The following TNS1 variants were observed in gnomAD, a reference collection of about 807,000 sequenced individuals.
TNS1 encodes the protein tensin-1.
In TNS1, 62 loss-of-function variants were observed where a neutral mutation model predicts 168.6. That is an observed-to-expected ratio of 0.37 (90% CI 0.30 to 0.45). TNS1 has a LOEUF of 0.45. TNS1 is among the 20% of genes least tolerant of loss of function. TNS1 has a pLI of 1.00. For missense variants in TNS1, 2,240 were observed against 2,339.4 expected (o/e 0.96, Z 0.88); for synonymous variants, 934 against 933.2 (o/e 1.00, Z -0.02).
At chr2:217,810,419 A>G in intron 28 of TNS1, 100 bp from the exon 29 acceptor site, 3 of 1,174,340 alleles carry the variant, frequency 2.6e-6, no homozygotes, top group Admixed American at 1.8e-5. Flanking sequence ...GGCAGAAGGA[A>G]CGCTGCTTTT....
intron 22 of TNS1, chr2:217,830,304 G>A: frequency 1.2e-6 from 2 of 1,607,604 alleles, no homozygotes; most frequent in African/African-American, 2.7e-5. Flanking sequence ...GACACTCTGA[G>A]TGGGAGGCTA....
chr2:217,880,507 G>A lies in TNS1; in HGVS notation c.1429+391C>T, dbSNP rs1950580636. ...TACACATGTGACAAATGCTGTTTTT[G>A]CAGCACAGTGGGGGGTATCTCAAGC... On this transcript the variant is annotated intron_variant, in intron 18 of 32. Coordinates refer to ENST00000682258, the MANE Select transcript of TNS1 (RefSeq NM_001387777.1). The surrounding 1 kb of genome is among the most constrained non-coding windows in gnomAD (Gnocchi z 4.2). Among the ~76,000 whole-genome samples the A allele has an allele frequency of 6.6e-6, 1 of 152,024 alleles. No homozygotes were observed. The highest frequency in any genetic ancestry group is 2.4e-5 in the African/African-American group (1 of 41,378).
In TNS1 at chr2:217,945,506, G is replaced by A. The variant is rs557767081; in HGVS notation, c.187-25270C>T. On this transcript the variant is annotated intron_variant, in intron 3 of 32. Coordinates refer to ENST00000682258, the MANE Select transcript of TNS1 (RefSeq NM_001387777.1). ...TGGGGAGGGCAGAGATAGAAGCATC[G>A]CTCCACTCATCCTCTGCCTCCAGAG... Among the ~76,000 whole-genome samples the A allele has an allele frequency of 4.6e-5, 7 of 152,220 alleles. 1 individual carries two copies. The highest frequency in any genetic ancestry group is 4.1e-4 in the South Asian group (2 of 4,826).
chr2:217,968,966 T>C (rs1308395692), intron 3 of TNS1, among the ~76,000 whole-genome samples: 1 of 152,190 alleles, frequency 6.6e-6, no homozygotes, highest in Non-Finnish European at 1.5e-5. Flanking sequence ...CCCAAAGTGC[T>C]GGGATTACAG....
rs1378687963 is a variant in TNS1 at position 217,891,074 on chromosome 2, G to A, written c.783-29C>T. 6.2e-6 allele frequency: 10 copies of A among 1,612,064 alleles called. No homozygotes were observed. The South Asian group carries it at 8.8e-5, about 14-fold the overall frequency. On this transcript the variant is annotated intron_variant, in intron 11 of 32. Transcript: ENST00000682258. Reference sequence around the variant, plus strand: ...CAGGGAGAGACAGGTGGTCAAAAGAGGCAACTCCTGCATCCAAGAGCCGCT... The same window carrying A: ...CAGGGAGAGACAGGTGGTCAAAAGAAGCAACTCCTGCATCCAAGAGCCGCT...
At chr2:217,859,680 T>C in intron 18 of TNS1, 1 of 1,536,236 alleles carries the variant, frequency 6.5e-7, no homozygotes. Context: ...TGACTGGCTA[T>C]TGGTATTCTG....
At chr2:217,981,058 C>T (rs1034920796) in intron 2 of TNS1, among the ~76,000 whole-genome samples, 1 of 152,198 alleles carries the variant, frequency 6.6e-6, no homozygotes, top group African/African-American at 2.4e-5. Flanking sequence ...ATCTATCTCC[C>T]CACACTACAC....
Position 217,979,275 on chromosome 2 carries a change from C to T in TNS1, c.149-473G>A, listed in dbSNP as rs16858524. Among the ~76,000 whole-genome samples the T allele has an allele frequency of 1.1e-3, 166 of 151,846 alleles. 1 individual carries two copies. The highest frequency in any genetic ancestry group is 5.9e-4 in the Non-Finnish European group (40 of 67,934). On this transcript the variant is annotated intron_variant, in intron 2 of 32. Transcript: ENST00000682258. ...ACAGACACAATTCAGAGTCCAGGAG[C>T]GGGCCCACGCATATACACATTACAC...
At chr2:217,988,795 C>T (rs931201142) in intron 2 of TNS1, among the ~76,000 whole-genome samples, 2 of 152,204 alleles carry the variant, frequency 1.3e-5, no homozygotes, top group African/African-American at 4.8e-5. Context: ...ACTCGGGCCC[C>T]ACTCCTGGGT....
intron 27 of TNS1, 105 bp from the exon 28 acceptor site, chr2:217,812,550 T>C: frequency 1.1e-6 from 1 of 910,154 alleles, no homozygotes; most frequent in Non-Finnish European, 1.7e-6. Flanking sequence ...CACTTCTTTA[T>C]TACCTCTACC....
chr2:217,987,572 G>A (rs1958230752), intron 2 of TNS1, among the ~76,000 whole-genome samples: 1 of 152,182 alleles, frequency 6.6e-6, no homozygotes, highest in Non-Finnish European at 1.5e-5. Flanking sequence ...AAACGCCCCA[G>A]TGTCTCCAGA....
chr2:217,990,765 ACACC>A (rs1326081915), intron 2 of TNS1, among the ~76,000 whole-genome samples, 173 bp downstream of exon 2: 1 of 147,894 alleles, frequency 6.8e-6, no homozygotes, highest in African/African-American at 2.5e-5. Context: ...CATGCCCACC[ACACC>A]CACCCACATG....
In TNS1 at chr2:217,825,650, AGGACACAGCCAAGCCTGTGGCTTGC is replaced by A. The variant is rs551033724; in HGVS notation, c.3374-3737_3374-3713del. On this transcript the variant is annotated intron_variant, in intron 22 of 32. Transcript: ENST00000682258. The stretch of plus-strand genomic sequence containing the variant: ...GGCCACACCACCCCGTCCTGTGGTC[AGGACACAGCCAAGCCTGTGGCTTGC>A]GGGTGCTTACTTGCCATTAGGCAAG... 6.4e-4 allele frequency among the ~76,000 whole-genome samples: 97 copies of A among 152,314 alleles called. No homozygotes were observed. The East Asian group carries it at 0.018, about 28-fold the overall frequency.
Position 217,885,785 on chromosome 2 carries a change from T to G in TNS1, c.1075A>C (p.Ile359Leu), listed in dbSNP as rs1294330454. 6.2e-7 allele frequency: 1 copy of G among 1,614,144 alleles called. No individual in the cohort carries two copies. Among genetic ancestry groups the G allele is most frequent in the Admixed American group, 1.7e-5 (1 of 60,018 alleles). The change falls in exon 15 of 33, where the codon ATC becomes CTC. Residue 359 changes from isoleucine (I) to leucine (L), a missense_variant. By Grantham distance (5) the Ile-to-Leu change is conservative. This residue lies in a region of TNS1 where 2,131 missense variants were observed against 2,171.2 expected (regional missense o/e 0.98). Transcript: ENST00000682258. ...IPGDSQTSVC[I>L]TIEPGLLLKG... ...AAGAGCAGTCCTGGCTCGATGGTGA[T>G]GCAGACGCTAGTCTGGCTGTCTCCT... is the stretch of plus-strand genomic sequence containing the variant.
In TNS1 at chr2:217,817,964, G is replaced by A. The variant is rs1456347760; in HGVS notation, c.4368C>T (p.Ser1456=). The A allele has an allele frequency of 6.2e-7, 1 of 1,605,628 alleles. No individual in the cohort carries two copies. Among genetic ancestry groups the A allele is most frequent in the Admixed American group, 1.7e-5 (1 of 58,364 alleles). The change falls in exon 24 of 33, where the codon TCC becomes TCT. Residue 1456 remains serine (S), a synonymous_variant. Coordinates refer to ENST00000682258, the MANE Select transcript of TNS1 (RefSeq NM_001387777.1). ...GGTAGTAGGCAGGGGAGACAGGGAA[G>A]GAGGGCGTGGAAGGAGCCTGGTAGC... ...ASGYQAPSTP[S]FPVSPAYYPG... is the part of the protein sequence containing the mutation.
Position 217,804,288 on chromosome 2 carries a change from C to CTT in TNS1, c.*169_*170dup. 1 of 682,234 alleles carries CTT rather than the reference C, an allele frequency of 1.5e-6. No homozygotes were observed. The highest frequency in any genetic ancestry group is 2.4e-6 in the Non-Finnish European group (1 of 414,042). The allele number at this position is 682,234 out of a possible 1,614,324, so 42.3% of individuals were successfully genotyped here. On this transcript the variant is annotated 3_prime_UTR_variant, in exon 33 of 33. Transcript: ENST00000682258. Reference sequence around the variant, plus strand: ...TCTCTCTCTCTCTCTCTCTCTCTCTCTTTTCCCCCTCCCCTCTGCAATTCA... The same window carrying CTT: ...TCTCTCTCTCTCTCTCTCTCTCTCTCTTTTTTCCCCCTCCCCTCTGCAATTCA...
At chr2:217,956,998 C>T (rs2059736) in intron 3 of TNS1, among the ~76,000 whole-genome samples, 14,964 of 152,222 alleles carry the variant, frequency 0.098, 1,301 homozygotes, top group African/African-American at 0.24. Context: ...AGAGCAGTGA[C>T]CCAAGCTTGA....
chr2:217,973,352 T>G (rs1575149539), intron 3 of TNS1, among the ~76,000 whole-genome samples: 2 of 120,440 alleles, frequency 1.7e-5, no homozygotes, highest in African/African-American at 3.4e-5. Context: ...GGCAACAGAG[T>G]GAGATCCTGT....
At chr2:217,830,374 G>C (rs1473590300) in intron 22 of TNS1, 1 of 1,614,040 alleles carries the variant, frequency 6.2e-7, no homozygotes, top group Non-Finnish European at 8.5e-7. Flanking sequence ...TACCTGGCTG[G>C]ATCCGTCTTC....
Sources: allele counts gnomAD v4.1 joint callset (sites outside exome capture counted in the v4.1 genomes callset), GRCh38; gene constraint gnomAD v4.1.1; regional missense constraint gnomAD v4.1.1; non-coding constraint Gnocchi (gnomAD v3.1); transcripts MANE v1.5; gene names NCBI Gene and HGNC (gene_info 2026-07-23, HGNC 2026-07-21).